The following RALYL variants were observed in gnomAD, a reference collection of about 807,000 sequenced individuals.
RALYL encodes the protein RNA-binding Raly-like protein.
A neutral mutation model predicts 35.1 loss-of-function variants in RALYL; 29 were observed. The ratio of observed to expected loss-of-function variants is 0.83; its 90% confidence interval spans 0.61 to 1.13. The LOEUF (loss-of-function observed/expected upper bound fraction) is 1.13. Ranked by LOEUF, RALYL falls within the 50% of genes most tolerant of loss-of-function variation. The pLI, the probability that RALYL is intolerant of heterozygous loss-of-function variation, is 0.00. For synonymous variants in RALYL, 120 were observed against 127.6 expected, an observed-to-expected ratio of 0.94 and a Z score of 0.40; for missense variants, 359 against 360.4, an observed-to-expected ratio of 1.00 and a Z score of 0.03.
chr8:84,301,543 C>T (rs188392575), intron 1 of RALYL, among the ~76,000 whole-genome samples: 1 of 152,172 alleles, frequency 6.6e-6, no homozygotes, highest in African/African-American at 2.4e-5. Context: ...ATAAAAATGA[C>T]TGTATGTTGA....
At chr8:84,865,260 T>C (rs892466520) in intron 6 of RALYL, among the ~76,000 whole-genome samples, 1 of 152,174 alleles carries the variant, frequency 6.6e-6, no homozygotes, top group Admixed American at 6.6e-5. Flanking sequence ...ATATACTATG[T>C]TAATATTGAA....
At position 84,713,735 on chromosome 8, in the gene RALYL, A is replaced by T. The variant is rs532367427; in HGVS notation, c.257-60844A>T. Among the ~76,000 whole-genome samples the T allele has an allele frequency of 3.4e-4, 52 of 152,040 alleles. 2 individuals are homozygous for T. In the South Asian group the frequency reaches 9.1e-3, roughly 27 times the overall value. ...ATCCAGCAATTTCATTTTTGGGAAT[A>T]TATTCAAAGAAAATAAAATTAATTA... On this transcript the variant is annotated intron_variant, in intron 2 of 8. Coordinates refer to ENST00000521268, the MANE Select transcript of RALYL (RefSeq NM_173848.7).
chr8:84,219,593 G>A (rs1196322424), intron 1 of RALYL, among the ~76,000 whole-genome samples: 2 of 151,960 alleles, frequency 1.3e-5, no homozygotes, highest in Admixed American at 6.6e-5. Flanking sequence ...AATAAGACAT[G>A]TCTGTGTGTG....
intron 4 of RALYL, among the ~76,000 whole-genome samples, chr8:84,810,167 G>GT (rs1825594471): frequency 1.3e-5 from 2 of 152,020 alleles, no homozygotes; most frequent in African/African-American, 4.8e-5. Context: ...TATCCCAGAG[G>GT]TTTTGATAGG....
intron 1 of RALYL, among the ~76,000 whole-genome samples, chr8:84,219,862 TATAG>T (rs57823121): frequency 2.1e-4 from 32 of 151,034 alleles, no homozygotes; most frequent in South Asian, 1.3e-3. Flanking sequence ...ACAGAAGACG[TATAG>T]ATAGATAGAT....
intron 2 of RALYL, among the ~76,000 whole-genome samples, chr8:84,601,068 G>A (rs141883224): frequency 9.9e-5 from 15 of 152,122 alleles, no homozygotes; most frequent in African/African-American, 3.1e-4. Context: ...TGCAAACAGG[G>A]GATAGCAGAG....
At chr8:84,388,714 T>C (rs1859855240) in intron 1 of RALYL, among the ~76,000 whole-genome samples, 1 of 152,166 alleles carries the variant, frequency 6.6e-6, no homozygotes, top group East Asian at 1.9e-4. Context: ...GTAAATTTGT[T>C]TGAGTTCATT....
intron 1 of RALYL, among the ~76,000 whole-genome samples, chr8:84,342,277 A>C (rs184145788): frequency 1.5e-5 from 1 of 66,112 alleles, no homozygotes; most frequent in Non-Finnish European, 2.9e-5. Flanking sequence ...AGCATCGTTC[A>C]ATATATATAT....
intron 1 of RALYL, among the ~76,000 whole-genome samples, chr8:84,510,494 T>A (rs2057519656): frequency 6.6e-6 from 1 of 152,226 alleles, no homozygotes; most frequent in South Asian, 2.1e-4. Flanking sequence ...GGTAGCAATT[T>A]TTCACCATGC....
intron 3 of RALYL, among the ~76,000 whole-genome samples, chr8:84,785,411 G>T (rs927053751): frequency 3.3e-5 from 5 of 152,102 alleles, no homozygotes; most frequent in Non-Finnish European, 7.4e-5. Context: ...GTAAAATGAA[G>T]GAGTTGAATT....
At chr8:84,726,123 A>G (rs987004301) in intron 2 of RALYL, among the ~76,000 whole-genome samples, 2 of 150,634 alleles carry the variant, frequency 1.3e-5, no homozygotes, top group Admixed American at 6.7e-5. Context: ...TCCATAAACA[A>G]TCATCATTTT....
intron 1 of RALYL, among the ~76,000 whole-genome samples, chr8:84,258,527 T>A (rs1203330541): frequency 4.2e-4 from 64 of 152,178 alleles, no homozygotes; most frequent in Admixed American, 4.2e-3. Context: ...CTTGCCCAAA[T>A]AAACAAGTTG....
chr8:84,509,569 G>A (rs966264855), intron 1 of RALYL, among the ~76,000 whole-genome samples: 1 of 152,036 alleles, frequency 6.6e-6, no homozygotes, highest in Non-Finnish European at 1.5e-5. Context: ...TGCCATTGGT[G>A]CTGCATCTAA....
intron 1 of RALYL, among the ~76,000 whole-genome samples, chr8:84,316,231 C>T (rs1463345714): frequency 6.6e-6 from 1 of 152,070 alleles, no homozygotes; most frequent in Non-Finnish European, 1.5e-5. Context: ...AGCCTAAATC[C>T]CTCATTTGCA....
chr8:84,764,862 G>T (rs1031321448), intron 2 of RALYL, among the ~76,000 whole-genome samples: 6 of 152,252 alleles, frequency 3.9e-5, no homozygotes, highest in African/African-American at 9.6e-5. Context: ...GCTGTGAAGG[G>T]AAAAACAACA....
intron 1 of RALYL, among the ~76,000 whole-genome samples, chr8:84,216,418 T>G (rs184897327): frequency 1.6e-4 from 24 of 152,228 alleles, no homozygotes; most frequent in Non-Finnish European, 2.5e-4. Context: ...CTTTAAAAAT[T>G]TTTTAGAAAT....
At chr8:84,690,328 A>G (rs1837767645) in intron 2 of RALYL, among the ~76,000 whole-genome samples, 1 of 152,196 alleles carries the variant, frequency 6.6e-6, no homozygotes, top group Non-Finnish European at 1.5e-5. Context: ...ATCTAAAAAA[A>G]TCAAATCCAT....
intron 1 of RALYL, among the ~76,000 whole-genome samples, chr8:84,219,574 TTAAAAA>T (rs1821673161): frequency 6.7e-6 from 1 of 150,058 alleles, no homozygotes; most frequent in Non-Finnish European, 1.5e-5. Context: ...TAAGTGTAAC[TTAAAAA>T]TAAATAAGAC....
chr8:84,668,647 A>G (rs1028046460), intron 2 of RALYL, among the ~76,000 whole-genome samples: 1 of 152,148 alleles, frequency 6.6e-6, no homozygotes, highest in Non-Finnish European at 1.5e-5. Flanking sequence ...GGCATATATT[A>G]TGAGACACTG....
Sources: allele counts gnomAD v4.1 joint callset (sites outside exome capture counted in the v4.1 genomes callset), GRCh38; gene constraint gnomAD v4.1.1; transcripts MANE v1.5; gene names NCBI Gene and HGNC (gene_info 2026-07-23, HGNC 2026-07-21).